NEU1: variants seen among roughly 807,000 people sequenced by gnomAD.
NEU1 encodes the protein sialidase-1.
A neutral mutation model predicts 38.3 loss-of-function variants in NEU1; 32 were observed. The ratio of observed to expected loss-of-function variants is 0.84; its 90% confidence interval spans 0.63 to 1.12. The LOEUF (loss-of-function observed/expected upper bound fraction) is 1.12, where lower values mean the gene tolerates loss of function less well. NEU1 is among the 50% of genes most tolerant of loss of function. The probability of loss-of-function intolerance (pLI) is 0.00; values close to 1 mark genes in which losing one functional copy is unlikely to be tolerated. For synonymous variants in NEU1, 192 were observed against 225.2 expected (o/e 0.85, Z 1.32); for missense variants, 431 against 549.2 (o/e 0.78, Z 2.15).
chr6:31,862,284 G>C lies in NEU1; in HGVS notation c.160-93C>G. 1 of 1,359,926 alleles carries C rather than the reference G, an allele frequency of 7.4e-7. No individual in the cohort carries two copies. Among genetic ancestry groups the C allele is most frequent in the Non-Finnish European group, 1.0e-6 (1 of 966,690 alleles). The allele number at this position is 1,359,926 out of a possible 1,614,324, so 84.2% of individuals were successfully genotyped here. ...GATGGGAGAGGGAGGATCTAATGGGGATCCCGAGTAGGGGATGGGGTCCCA... is the reference window on the plus strand; with the variant it reads ...GATGGGAGAGGGAGGATCTAATGGGCATCCCGAGTAGGGGATGGGGTCCCA... On this transcript the variant is annotated intron_variant, in intron 1 of 5. Coordinates refer to ENST00000375631, the MANE Select transcript of NEU1 (RefSeq NM_000434.4). The surrounding 1 kb of genome is among the most constrained non-coding windows in gnomAD (Gnocchi z 6.3).
At position 31,859,958 on chromosome 6, in the gene NEU1, G is replaced by A; in HGVS notation, c.1022-13C>T. 1.2e-6 allele frequency: 2 copies of A among 1,612,960 alleles called. No homozygotes were observed. Among genetic ancestry groups the A allele is most frequent in the Non-Finnish European group, 1.7e-6 (2 of 1,179,986 alleles). ...GTCAGGTTCACTCCTGGGGAGAGCA[G>A]GAGAGTCAGGGAGAGAGGGTCTCTG... On this transcript the variant is annotated splice_polypyrimidine_tract_variant and intron_variant, in intron 5 of 5. Coordinates refer to ENST00000375631, the MANE Select transcript of NEU1 (RefSeq NM_000434.4).
At position 31,862,747 on chromosome 6, in the gene NEU1, G is replaced by C. The variant is rs1242239455; in HGVS notation, c.30C>G (p.Leu10=). The C allele has an allele frequency of 2.5e-6, 4 of 1,612,820 alleles. No individual in the cohort carries two copies. The highest frequency in any genetic ancestry group is 3.4e-6 in the Non-Finnish European group (4 of 1,180,026). Residue 10 remains leucine, a synonymous_variant, in exon 1 of 6, where the codon CTC becomes CTG. Coordinates refer to ENST00000375631, the MANE Select transcript of NEU1 (RefSeq NM_000434.4). This position sits in a 1 kb window ranked among gnomAD's most constrained non-coding sequence, Gnocchi z 6.3. MTGERPSTA[L]PDRRWGPRIL... ...TCCGCGGCCCCCAGCGTCTGTCCGG[G>C]AGCGCCGTGCTGGGTCGCTCCCCAG... is the stretch of plus-strand genomic sequence containing the variant.
rs922706475 is a variant in NEU1, at chr6:31,859,163, G to T, written c.*556C>A. ...CTCACAAGGATACATGAGGAAAACA[G>T]ACACGAAGATGTGCATTGACAGAAC... On this transcript the variant is annotated 3_prime_UTR_variant, in exon 6 of 6. Transcript: ENST00000375631. The T allele has an allele frequency of 1.0e-5, 2 of 196,632 alleles. No homozygotes were observed. The highest frequency in any genetic ancestry group is 1.1e-5 in the Non-Finnish European group (1 of 93,682). The allele number at this position is 196,632 out of a possible 1,614,324, so 12.2% of individuals were successfully genotyped here.
rs1319757982 is a variant in NEU1, at chr6:31,861,324, T to C, written c.479A>G (p.His160Arg). The C allele has an allele frequency of 6.8e-6, 11 of 1,612,936 alleles. No individual in the cohort carries two copies. The change falls in exon 3 of 6, where the codon CAC becomes CGC. Residue 160 changes from histidine (H) to arginine (R), a missense_variant. Physicochemically the swap from His to Arg is conservative, Grantham distance 29 (BLOSUM62 0). Transcript: ENST00000375631. Reference sequence around the variant, plus strand: ...AGAGGCCACCTGGCAGCCGGCCTTGTGAGCACAAAGGGAGTAGAAAAGAAA... The same window carrying C: ...AGAGGCCACCTGGCAGCCGGCCTTGCGAGCACAAAGGGAGTAGAAAAGAAA... Reference protein sequence around the residue: ...VVFLFYSLCAHKAGCQVASTM... With the variant: ...VVFLFYSLCARKAGCQVASTM...
chr6:31,861,449 G>A lies in NEU1; in HGVS notation c.354C>T (p.Gly118=). 1 of 1,612,816 alleles carries A rather than the reference G, an allele frequency of 6.2e-7. No individual in the cohort carries two copies. The highest frequency in any genetic ancestry group is 1.1e-5 in the South Asian group (1 of 91,086). ...TGAACGCTGTAGGAGACCATGTGCT[G>A]CCTGAAAAAAATTGGAGGAAGAAAC... The part of the protein sequence containing the change: ...FIALRRSMDQ[G]STWSPTAFIV... Residue 118 remains glycine, a splice_region_variant and synonymous_variant, in exon 3 of 6, where the codon GGC becomes GGT. Coordinates refer to ENST00000375631, the MANE Select transcript of NEU1 (RefSeq NM_000434.4).
Position 31,860,745 on chromosome 6 carries a change from C to T in NEU1, c.616-124G>A. The T allele has an allele frequency of 9.4e-7, 1 of 1,060,990 alleles. No homozygotes were observed. The highest frequency in any genetic ancestry group is 1.4e-6 in the Non-Finnish European group (1 of 696,020). The allele number at this position is 1,060,990 out of a possible 1,614,324, so 65.7% of individuals were successfully genotyped here. A position where few individuals can be genotyped will look rare whatever the true frequency, so the allele number is the denominator to read the frequency against. ...TCCCCTTGAGTTCAGCCCTTGCTCA[C>T]TGAGGGTTCCAGTCAGATCCCATAA... On this transcript the variant is annotated intron_variant, in intron 3 of 5. Transcript: ENST00000375631. The surrounding 1 kb of genome is among the most constrained non-coding windows in gnomAD (Gnocchi z 4.8).
rs1358830976 is a variant in NEU1 at position 31,859,794 on chromosome 6, G to A, written c.1173C>T (p.Val391=). 4 of 1,613,084 alleles carry A rather than the reference G, an allele frequency of 2.5e-6. No homozygotes were observed. The Admixed American group carries it at 6.7e-5, about 27-fold the overall frequency. ...DGEEQAPQLY[V]LYEKGRNHYT... is the part of the protein sequence containing the mutation. ...AGTGGTTCCGGCCTTTCTCATACAG[G>A]ACGTAGAGCTGGGGGGCCTGCTCCT... Residue 391 remains valine (V), a synonymous_variant, in exon 6 of 6, where the codon GTC becomes GTT. Transcript: ENST00000375631.
chr6:31,861,918 C>G, intron 2 of NEU1, 81 bp downstream of exon 2: 1 of 1,510,956 alleles, frequency 6.6e-7, no homozygotes, highest in Non-Finnish European at 9.2e-7. Context: ...CTAAGTTCCC[C>G]TATCCTCAGG....
rs1418744808 is a variant in NEU1, at chr6:31,860,439, C to G, written c.798G>C (p.Gln266His). 6.2e-7 allele frequency: 1 copy of G among 1,614,016 alleles called. No homozygotes were observed. The highest frequency in any genetic ancestry group is 1.7e-5 in the Admixed American group (1 of 60,022). ...QENDFNPDEC[Q>H]PYELPDGSVV... ...AGGGAACATCTCATGGACTCCTGAC[C>G]TGGCATTCATCAGGATTGAAATCAT... The change falls in exon 4 of 6, where the codon CAG becomes CAC. Residue 266 changes from glutamine to histidine, a missense_variant and splice_region_variant. Coordinates refer to ENST00000375631, the MANE Select transcript of NEU1 (RefSeq NM_000434.4). The surrounding 1 kb of genome is among the most constrained non-coding windows in gnomAD (Gnocchi z 4.8).
At chr6:31,861,822 G>T in intron 2 of NEU1, 177 bp downstream of exon 2, 1 of 744,908 alleles carries the variant, frequency 1.3e-6, no homozygotes, top group African/African-American at 1.7e-5. Context: ...CCAACTCCTT[G>T]GTGATCCCAA....
rs1762451441 is a variant in NEU1 at position 31,860,173 on chromosome 6, T to G, written c.890A>C (p.Asp297Ala). 2 of 1,612,972 alleles carry G rather than the reference T, an allele frequency of 1.2e-6. No homozygotes were observed. ...ACGGGGCCTTAGTGTATCACAGGCA[T>G]CATAGCTGCGGAGGACAATTCGGCA... ...CHCRIVLRSY[D>A]ACDTLRPRDV... The change falls in exon 5 of 6, where the codon GAT becomes GCT. Residue 297 changes from aspartate (D) to alanine (A), a missense_variant. Coordinates refer to ENST00000375631, the MANE Select transcript of NEU1 (RefSeq NM_000434.4). This position sits in a 1 kb window ranked among gnomAD's most constrained non-coding sequence, Gnocchi z 4.8.
In NEU1 at chr6:31,859,335, G is replaced by A. The variant is rs1762411385; in HGVS notation, c.*384C>T. 2.5e-6 allele frequency: 1 copy of A among 394,646 alleles called. No individual in the cohort carries two copies. The highest frequency in any genetic ancestry group is 2.5e-5 in the South Asian group (1 of 39,748). The allele number at this position is 394,646 out of a possible 1,614,324, so 24.4% of individuals were successfully genotyped here. The stretch of plus-strand genomic sequence containing the variant: ...CTGGGGACTTTCACCAGCCCTGTCG[G>A]TTATCTTACCGCAACACCAAAGAGG... On this transcript the variant is annotated 3_prime_UTR_variant, in exon 6 of 6. Coordinates refer to ENST00000375631, the MANE Select transcript of NEU1 (RefSeq NM_000434.4).
In NEU1 at chr6:31,860,234, TGAC is replaced by T. The variant is rs1249309041; in HGVS notation, c.826_828del (p.Val276del). On this transcript the variant is annotated inframe_deletion, in exon 5 of 6. Coordinates refer to ENST00000375631, the MANE Select transcript of NEU1 (RefSeq NM_000434.4). The surrounding 1 kb of genome is among the most constrained non-coding windows in gnomAD (Gnocchi z 4.8). The stretch of plus-strand genomic sequence containing the variant: ...TAGTTGTTCTGGTTTCGGGCATTGA[TGAC>T]GACTGAGCCATCTGGGAGCTCATAG... 6.2e-7 allele frequency: 1 copy of T among 1,612,874 alleles called. No individual in the cohort carries two copies. The highest frequency in any genetic ancestry group is 2.2e-5 in the East Asian group (1 of 44,886).
Position 31,859,920 on chromosome 6 carries a change from G to T in NEU1, c.1047C>A (p.Ser349Arg). Residue 349 changes from serine (S) to arginine (R), a missense_variant, in exon 6 of 6, where the codon AGC becomes AGA. Ser to Arg is a moderately radical substitution (Grantham distance 110). Transcript: ENST00000375631. ...EFRVNLTLRW[S>R]FSNGTSWRKE... ...TCCGCCATGAGGTACCATTGCTGAA[G>T]CTCCATCGCAGGGTCAGGTTCACTC... is the stretch of plus-strand genomic sequence containing the variant. 2 of 1,613,028 alleles carry T rather than the reference G, an allele frequency of 1.2e-6. No individual in the cohort carries two copies. Among genetic ancestry groups the T allele is most frequent in the Non-Finnish European group, 1.7e-6 (2 of 1,180,030 alleles).
Position 31,860,922 on chromosome 6 carries a change from AG to A in NEU1, c.615+265del, listed in dbSNP as rs1762483925. 7 of 619,962 alleles carry A rather than the reference AG, an allele frequency of 1.1e-5. No homozygotes were observed. In the Admixed American group the frequency reaches 2.0e-4, roughly 18 times the overall value. 38.4% of individuals were successfully genotyped at this position (619,962 alleles called of 1,614,324 possible). A position where few individuals can be genotyped will look rare whatever the true frequency, so the allele number is the denominator to read the frequency against. On this transcript the variant is annotated intron_variant, in intron 3 of 5. Coordinates refer to ENST00000375631, the MANE Select transcript of NEU1 (RefSeq NM_000434.4). This position sits in a 1 kb window ranked among gnomAD's most constrained non-coding sequence, Gnocchi z 4.8. ...CTGGCACAGGCTTGTGTCTGTCCAA[AG>A]AGGCAGTGCCTTTTTCTACTTTGCA... is the stretch of plus-strand genomic sequence containing the variant.
In NEU1 at chr6:31,859,811, C is replaced by T. The variant is rs1384018748; in HGVS notation, c.1156G>A (p.Ala386Thr). ...LEGSMDGEEQ[A>T]PQLYVLYEKG... Reference sequence around the variant, plus strand: ...TCATACAGGACGTAGAGCTGGGGGGCCTGCTCCTCTCCATCCATGCTGCCC... The same window carrying T: ...TCATACAGGACGTAGAGCTGGGGGGTCTGCTCCTCTCCATCCATGCTGCCC... Residue 386 changes from alanine to threonine, a missense_variant, in exon 6 of 6, where the codon GCC becomes ACC. Ala to Thr is a moderately conservative substitution (Grantham distance 58). Coordinates refer to ENST00000375631, the MANE Select transcript of NEU1 (RefSeq NM_000434.4). The T allele has an allele frequency of 3.1e-6, 5 of 1,613,030 alleles. No homozygotes were observed. The highest frequency in any genetic ancestry group is 1.1e-5 in the South Asian group (1 of 91,082).
rs1352337516 is a variant in NEU1 at position 31,861,454 on chromosome 6, A to G, written c.353-4T>C. The G allele has an allele frequency of 1.2e-6, 2 of 1,612,764 alleles. No homozygotes were observed. The highest frequency in any genetic ancestry group is 1.7e-6 in the Non-Finnish European group (2 of 1,179,992). On this transcript the variant is annotated splice_region_variant and splice_polypyrimidine_tract_variant and intron_variant, in intron 2 of 5. Coordinates refer to ENST00000375631, the MANE Select transcript of NEU1 (RefSeq NM_000434.4). ...GCTGTAGGAGACCATGTGCTGCCTG[A>G]AAAAAATTGGAGGAAGAAACCCAGA...
At position 31,861,228 on chromosome 6, in the gene NEU1, C is replaced by T; in HGVS notation, c.575G>A (p.Gly192Asp). ...STPRNLSLDIGTEVFAPGPGS... is the reference protein window; with the variant it reads ...STPRNLSLDIDTEVFAPGPGS... Reference sequence around the variant, plus strand: ...CGGTCCAGGGGCAAACACTTCAGTGCCAATATCCAGGGAGAGATTCCGGGG... The same window carrying T: ...CGGTCCAGGGGCAAACACTTCAGTGTCAATATCCAGGGAGAGATTCCGGGG... The change falls in exon 3 of 6, where the codon GGC becomes GAC. Residue 192 changes from glycine to aspartate, a missense_variant. Coordinates refer to ENST00000375631, the MANE Select transcript of NEU1 (RefSeq NM_000434.4). 1 of 1,612,602 alleles carries T rather than the reference C, an allele frequency of 6.2e-7. No homozygotes were observed. Among genetic ancestry groups the T allele is most frequent in the Non-Finnish European group, 8.5e-7 (1 of 1,180,018 alleles).
At position 31,862,817 on chromosome 6, in the gene NEU1, C is replaced by G. The variant is rs1184547556; in HGVS notation, c.-41G>C. 1.2e-6 allele frequency: 2 copies of G among 1,610,456 alleles called. No homozygotes were observed. Among genetic ancestry groups the G allele is most frequent in the African/African-American group, 2.7e-5 (2 of 74,906 alleles). On this transcript the variant is annotated 5_prime_UTR_variant, in exon 1 of 6. Transcript: ENST00000375631. The surrounding 1 kb of genome is among the most constrained non-coding windows in gnomAD (Gnocchi z 6.3). ...CCGCGACCCTGGCAGCTAGACTCCA[C>G]AGAGTCGGGAGTCAGCTGACCCGGA...
Sources: allele counts gnomAD v4.1 joint callset, GRCh38; gene constraint gnomAD v4.1.1; non-coding constraint Gnocchi (gnomAD v3.1); transcripts MANE v1.5; gene names NCBI Gene and HGNC (gene_info 2026-07-23, HGNC 2026-07-21).